The following PROK1 variants were observed in gnomAD, a reference collection of about 807,000 sequenced individuals.
PROK1 encodes the protein prokineticin 1.
In PROK1, 10 loss-of-function variants were observed where a neutral mutation model predicts 8.8. The observed-to-expected ratio is 1.13, with a 90% CI of 0.70 to 1.92. PROK1 has a LOEUF of 1.92. Ranked by LOEUF, PROK1 falls within the 30% of genes most tolerant of loss-of-function variation. PROK1 has a pLI of 0.00. For missense variants in PROK1, 140 were observed against 139.7 expected (o/e 1.00, Z -0.01); for synonymous variants, 57 against 56.0 (o/e 1.02, Z -0.08).
Position 110,456,477 on chromosome 1 carries a change from G to T in PROK1, c.*126G>T. 1 of 1,218,194 alleles carries T rather than the reference G, an allele frequency of 8.2e-7. No individual in the cohort carries two copies. The highest frequency in any genetic ancestry group is 1.2e-6 in the Non-Finnish European group (1 of 841,972). 75.5% of individuals were successfully genotyped at this position (1,218,194 alleles called of 1,614,324 possible). A position where few individuals can be genotyped will look rare whatever the true frequency, so the allele number is the denominator to read the frequency against. On this transcript the variant is annotated 3_prime_UTR_variant, in exon 3 of 3. Transcript: ENST00000271331. Reference sequence around the variant, plus strand: ...TACACTGACTACCCTGATCTCTCTTGTCTAGTACGCACATATGCACACAGG... The same window carrying T: ...TACACTGACTACCCTGATCTCTCTTTTCTAGTACGCACATATGCACACAGG...
chr1:110,453,238 G>A (rs988805821), intron 1 of PROK1, among the ~76,000 whole-genome samples: 1 of 152,228 alleles, frequency 6.6e-6, no homozygotes, highest in African/African-American at 2.4e-5. Context: ...GCAGTTAAGA[G>A]TTCTGTCTTC....
chr1:110,454,633 G>A (rs1664141509), intron 2 of PROK1, among the ~76,000 whole-genome samples: 1 of 152,204 alleles, frequency 6.6e-6, no homozygotes, highest in Admixed American at 6.5e-5. Flanking sequence ...GCAGCCTCAG[G>A]TGGAGGGGTG....
chr1:110,456,251 G>T lies in PROK1; in HGVS notation c.218G>T (p.Arg73Leu). 6.2e-7 allele frequency: 1 copy of T among 1,613,390 alleles called. No individual in the cohort carries two copies. The highest frequency in any genetic ancestry group is 1.1e-5 in the South Asian group (1 of 91,078). The change falls in exon 3 of 3, where the codon CGC becomes CTC. Residue 73 changes from arginine to leucine, a missense_variant. Coordinates refer to ENST00000271331, the MANE Select transcript of PROK1 (RefSeq NM_032414.3). ...GSHKVPFFRKRKHHTCPCLPN... is the reference protein window; with the variant it reads ...GSHKVPFFRKLKHHTCPCLPN... ...CCTTAGGTCCCCTTCTTCAGGAAAC[G>T]CAAGCACCACACCTGTCCTTGCTTG...
At chr1:110,451,384 G>A in intron 1 of PROK1, 96 bp downstream of exon 1, 2 of 1,039,268 alleles carry the variant, frequency 1.9e-6, no homozygotes, top group South Asian at 2.6e-5. Context: ...GGCTCTGTTG[G>A]CTCAACACAG....
rs1291859900 is a variant in PROK1, at chr1:110,456,442, TC to T, written c.*94del. ...CCATGAAACCCAGCTCCCATGACTCTCCCAGTCCCTACACTGACTACCCTGA... is the reference window on the plus strand; with the variant it reads ...CCATGAAACCCAGCTCCCATGACTCTCCAGTCCCTACACTGACTACCCTGA... On this transcript the variant is annotated 3_prime_UTR_variant, in exon 3 of 3. Transcript: ENST00000271331. 1.3e-6 allele frequency: 2 copies of T among 1,511,102 alleles called. No homozygotes were observed. The highest frequency in any genetic ancestry group is 1.4e-5 in the African/African-American group (1 of 72,892). The allele number at this position is 1,511,102 out of a possible 1,614,324, so 93.6% of individuals were successfully genotyped here.
chr1:110,454,565 G>A (rs887033093), intron 2 of PROK1, among the ~76,000 whole-genome samples: 4 of 152,180 alleles, frequency 2.6e-5, no homozygotes, highest in South Asian at 2.1e-4. Context: ...GCAGTTTTCC[G>A]ATGCCACCTC....
chr1:110,454,100 A>G lies in PROK1; in HGVS notation c.198+14A>G. 1.2e-6 allele frequency: 2 copies of G among 1,612,870 alleles called. No individual in the cohort carries two copies. The highest frequency in any genetic ancestry group is 1.7e-6 in the Non-Finnish European group (2 of 1,179,828). On this transcript the variant is annotated intron_variant, in intron 2 of 2. Transcript: ENST00000271331. ...GGCAGCCACAAGGTACTCTGCAGACACTGCATAGGTGCACATATGTGGGTG... is the reference window on the plus strand; with the variant it reads ...GGCAGCCACAAGGTACTCTGCAGACGCTGCATAGGTGCACATATGTGGGTG...
Position 110,456,224 on chromosome 1 carries a change from C to A in PROK1, c.199-8C>A. Reference sequence around the variant, plus strand: ...TTTGGTGAAGGTGTTGATTTCTTCTCTCCTTAGGTCCCCTTCTTCAGGAAA... The same window carrying A: ...TTTGGTGAAGGTGTTGATTTCTTCTATCCTTAGGTCCCCTTCTTCAGGAAA... On this transcript the variant is annotated splice_region_variant and splice_polypyrimidine_tract_variant and intron_variant, in intron 2 of 2. Coordinates refer to ENST00000271331, the MANE Select transcript of PROK1 (RefSeq NM_032414.3). 1 of 1,611,384 alleles carries A rather than the reference C, an allele frequency of 6.2e-7. No homozygotes were observed. The highest frequency in any genetic ancestry group is 8.5e-7 in the Non-Finnish European group (1 of 1,179,996).
chr1:110,456,102 C>A, intron 2 of PROK1, 130 bp from the exon 3 acceptor site: 1 of 950,428 alleles, frequency 1.1e-6, no homozygotes, highest in Non-Finnish European at 1.7e-6. Flanking sequence ...TATTGTTGTG[C>A]TAGGTGCAGT....
intron 2 of PROK1, among the ~76,000 whole-genome samples, chr1:110,454,314 G>A (rs181071753): frequency 3.0e-4 from 45 of 152,334 alleles, no homozygotes; most frequent in Admixed American, 2.9e-3. Flanking sequence ...TGGGGTTGCT[G>A]TGCCCCTGCC....
chr1:110,456,410 A>G lies in PROK1; in HGVS notation c.*59A>G. On this transcript the variant is annotated 3_prime_UTR_variant, in exon 3 of 3. Transcript: ENST00000271331. ...TTTCCTGAGCACAGCCTGGATTTTTATTTCTGCCATGAAACCCAGCTCCCA... is the reference window on the plus strand; with the variant it reads ...TTTCCTGAGCACAGCCTGGATTTTTGTTTCTGCCATGAAACCCAGCTCCCA... 6.8e-6 allele frequency: 11 copies of G among 1,606,734 alleles called. No homozygotes were observed. The highest frequency in any genetic ancestry group is 9.3e-6 in the Non-Finnish European group (11 of 1,177,974).
chr1:110,456,096 G>T (rs1224028651), intron 2 of PROK1, 136 bp from the exon 3 acceptor site: 1 of 907,960 alleles, frequency 1.1e-6, no homozygotes, highest in Non-Finnish European at 1.8e-6. Context: ...TGCTATTATT[G>T]TTGTGCTAGG....
intron 2 of PROK1, 89 bp from the exon 3 acceptor site, chr1:110,456,143 C>G (rs1017755156): frequency 3.4e-6 from 5 of 1,458,786 alleles, no homozygotes; most frequent in Non-Finnish European, 4.8e-6. Flanking sequence ...GGGGGTGAGA[C>G]TTTTGCCAGT....
rs368380049 is a variant in PROK1 at position 110,451,170 on chromosome 1, C to T, written c.-47C>T. 42 of 1,579,404 alleles carry T rather than the reference C, an allele frequency of 2.7e-5. No individual in the cohort carries two copies. Among genetic ancestry groups the T allele is most frequent in the Middle Eastern group, 3.3e-4 (2 of 5,976 alleles). On this transcript the variant is annotated 5_prime_UTR_variant, in exon 1 of 3. Coordinates refer to ENST00000271331, the MANE Select transcript of PROK1 (RefSeq NM_032414.3). ...AGGCACAAGGCTGAGCGGGAGGAAG[C>T]GAGAGGCATCTAAGCAGGCAGTGTT...
chr1:110,452,547 C>T (rs1055614227), intron 1 of PROK1, among the ~76,000 whole-genome samples: 8 of 152,104 alleles, frequency 5.3e-5, no homozygotes, highest in Non-Finnish European at 1.0e-4. Flanking sequence ...CAGCACTGGC[C>T]CAGAGTGACA....
chr1:110,456,497 C>A lies in PROK1; in HGVS notation c.*146C>A. The A allele has an allele frequency of 1.0e-6, 1 of 968,030 alleles. No individual in the cohort carries two copies. The highest frequency in any genetic ancestry group is 1.6e-6 in the Non-Finnish European group (1 of 625,582). The allele number at this position is 968,030 out of a possible 1,614,324, so 60.0% of individuals were successfully genotyped here. A position where few individuals can be genotyped will look rare whatever the true frequency, so the allele number is the denominator to read the frequency against. Reference sequence around the variant, plus strand: ...CTCTTGTCTAGTACGCACATATGCACACAGGCAGACATACCTCCCATCATG... The same window carrying A: ...CTCTTGTCTAGTACGCACATATGCAAACAGGCAGACATACCTCCCATCATG... On this transcript the variant is annotated 3_prime_UTR_variant, in exon 3 of 3. Coordinates refer to ENST00000271331, the MANE Select transcript of PROK1 (RefSeq NM_032414.3).
chr1:110,451,162 G>T lies in PROK1; in HGVS notation c.-55G>T. ...AGCTTGCCAGGCACAAGGCTGAGCG[G>T]GAGGAAGCGAGAGGCATCTAAGCAG... On this transcript the variant is annotated 5_prime_UTR_variant, in exon 1 of 3. Coordinates refer to ENST00000271331, the MANE Select transcript of PROK1 (RefSeq NM_032414.3). 6.4e-7 allele frequency: 1 copy of T among 1,551,148 alleles called. No homozygotes were observed. Among genetic ancestry groups the T allele is most frequent in the Non-Finnish European group, 8.9e-7 (1 of 1,122,998 alleles).
At chr1:110,453,666 G>A (rs192360796) in intron 1 of PROK1, among the ~76,000 whole-genome samples, 6 of 152,304 alleles carry the variant, frequency 3.9e-5, no homozygotes, top group Admixed American at 3.9e-4. Flanking sequence ...GAAAAGCTAT[G>A]CCTTCTAACC....
chr1:110,452,876 AG>A (rs970172926), intron 1 of PROK1, among the ~76,000 whole-genome samples: 1 of 152,214 alleles, frequency 6.6e-6, no homozygotes, highest in African/African-American at 2.4e-5. Context: ...CTATGGGAGA[AG>A]AAGAGTCGAC....
Sources: allele counts gnomAD v4.1 joint callset (sites outside exome capture counted in the v4.1 genomes callset), GRCh38; gene constraint gnomAD v4.1.1; transcripts MANE v1.5; gene names NCBI Gene and HGNC (gene_info 2026-07-23, HGNC 2026-07-21).